The following GNG7 variants were observed in gnomAD, a reference collection of about 807,000 sequenced individuals.
GNG7 encodes the protein G protein subunit gamma 7.
A neutral mutation model predicts 4.0 loss-of-function variants in GNG7; 1 was observed. The observed-to-expected ratio is 0.25, with a 90% CI of 0.09 to 1.18. The LOEUF (loss-of-function observed/expected upper bound fraction) is 1.18. GNG7 is among the 50% of genes most tolerant of loss of function. The pLI, the probability that GNG7 is intolerant of heterozygous loss-of-function variation, is 0.50. For missense variants in GNG7, 86 were observed against 91.9 expected (o/e 0.94, Z 0.26); for synonymous variants, 34 against 36.9 (o/e 0.92, Z 0.29).
intron 2 of GNG7, among the ~76,000 whole-genome samples, chr19:2,588,452 A>C (rs1980741160): frequency 2.0e-5 from 3 of 152,220 alleles, no homozygotes; most frequent in African/African-American, 7.2e-5. Flanking sequence ...TTTCTTTTAA[A>C]AGTCAACAGC....
At chr19:2,621,696 AAAACAAAC>A (rs78958083) in intron 2 of GNG7, among the ~76,000 whole-genome samples, 17 of 151,570 alleles carry the variant, frequency 1.1e-4, no homozygotes, top group Non-Finnish European at 1.6e-4. Context: ...GACCTCATCT[AAAACAAAC>A]AAACAAACAA....
intron 2 of GNG7, among the ~76,000 whole-genome samples, chr19:2,596,223 G>A (rs1320844648): frequency 6.6e-6 from 1 of 152,160 alleles, no homozygotes; most frequent in African/African-American, 2.4e-5. Context: ...GCCGGGTGCG[G>A]TGGTGCATGC....
chr19:2,622,565 C>CCAACGCGAG lies in GNG7; in HGVS notation c.-78+23650_-78+23658dup, dbSNP rs574714245. 3.1e-3 allele frequency among the ~76,000 whole-genome samples: 449 copies of CCAACGCGAG among 146,286 alleles called. 12 individuals are homozygous for CCAACGCGAG. The highest frequency in any genetic ancestry group is 0.011 in the African/African-American group (416 of 38,468). On this transcript the variant is annotated intron_variant, in intron 2 of 4. Coordinates refer to ENST00000382159, the MANE Select transcript of GNG7 (RefSeq NM_052847.3). ...AGAGGGGGCTTCCGGGAAGGGGAAC[C>CCAACGCGAG]CAACGCGAGCAACGCGGCAGAGAGG...
Position 2,661,302 on chromosome 19 carries a change from G to GAAAGAAAGAAAGAAAGAAAGAAAAAGAA in GNG7, c.-134-15023_-134-15022insTTCTTTTTCTTTCTTTCTTTCTTTCTTT. ...AGAAAGAAAGAAAGAAAGAAAGAAA[G>GAAAGAAAGAAAGAAAGAAAGAAAAAGAA]AGAAAGAAAGAAAGAAAGAAAGAAA... On this transcript the variant is annotated intron_variant, in intron 1 of 4. Transcript: ENST00000382159. Among the ~76,000 whole-genome samples the GAAAGAAAGAAAGAAAGAAAGAAAAAGAA allele has an allele frequency of 1.8e-3, 128 of 73,122 alleles. 3 individuals carry two copies. Among genetic ancestry groups the GAAAGAAAGAAAGAAAGAAAGAAAAAGAA allele is most frequent in the African/African-American group, 2.5e-3 (46 of 18,500 alleles). 48.0% of individuals were successfully genotyped at this position (73,122 alleles called of 152,430 possible).
chr19:2,602,950 T>C (rs190745358), intron 2 of GNG7, among the ~76,000 whole-genome samples: 4 of 150,278 alleles, frequency 2.7e-5, no homozygotes, highest in East Asian at 3.9e-4. Flanking sequence ...TTCCTTTCTT[T>C]CTTTTCTTTC....
intron 2 of GNG7, among the ~76,000 whole-genome samples, chr19:2,619,454 G>GC (rs1166548875): frequency 2.0e-5 from 3 of 152,208 alleles, no homozygotes; most frequent in African/African-American, 7.2e-5. Context: ...TAAGTTCATA[G>GC]CAAGTATTTG....
rs1437167969 is a variant in GNG7 at position 2,617,661 on chromosome 19, C to A, written c.-78+28563G>T. On this transcript the variant is annotated intron_variant, in intron 2 of 4. Transcript: ENST00000382159. This position sits in a 1 kb window ranked among gnomAD's most constrained non-coding sequence, Gnocchi z 4.7. ...CCCTCCTTAGAGACCTTCCTGGACA[C>A]CACGTGGCACAGACTCTCTCCTCTT... Among the ~76,000 whole-genome samples, 2 of 152,148 alleles carry A rather than the reference C, an allele frequency of 1.3e-5. No homozygotes were observed. Among genetic ancestry groups the A allele is most frequent in the East Asian group, 3.9e-4 (2 of 5,194 alleles).
At chr19:2,675,495 A>T (rs530506606) in intron 1 of GNG7, among the ~76,000 whole-genome samples, 45 of 152,318 alleles carry the variant, frequency 3.0e-4, no homozygotes, top group African/African-American at 8.2e-4. Flanking sequence ...AGCGTTATTT[A>T]GCAAACCAGG....
chr19:2,642,436 G>A (rs1982532990), intron 2 of GNG7: 1 of 320,472 alleles, frequency 3.1e-6, no homozygotes, highest in Non-Finnish European at 6.1e-6. Flanking sequence ...TGCAATCATA[G>A]CCCACTGCAG....
intron 1 of GNG7, among the ~76,000 whole-genome samples, chr19:2,669,870 C>A (rs565808960): frequency 6.6e-6 from 1 of 151,768 alleles, no homozygotes; most frequent in African/African-American, 2.4e-5. Context: ...ATTAGCCAGG[C>A]GTGGTGGCGG....
At chr19:2,615,998 T>C (rs73526900) in intron 2 of GNG7, among the ~76,000 whole-genome samples, 8,163 of 152,276 alleles carry the variant, frequency 0.054, 340 homozygotes, top group African/African-American at 0.12. Flanking sequence ...AACAGACTCC[T>C]GTATGGGCCT....
At chr19:2,525,488 ACC>A (rs35965236) in intron 3 of GNG7, among the ~76,000 whole-genome samples, 1 of 151,804 alleles carries the variant, frequency 6.6e-6, no homozygotes, top group Non-Finnish European at 1.5e-5. Flanking sequence ...GGATGAGGGT[ACC>A]CCCCCACTCC....
Position 2,651,475 on chromosome 19 carries a change from TTCTC to T in GNG7, c.-134-5199_-134-5196del, listed in dbSNP as rs979842799. On this transcript the variant is annotated intron_variant, in intron 1 of 4. Coordinates refer to ENST00000382159, the MANE Select transcript of GNG7 (RefSeq NM_052847.3). Reference sequence around the variant, plus strand: ...TTCCTCCCTCTCTTTCTCTTTTTCTTTCTCTCTCTTACTCTCTTTCTGTCTTCCT... The same window carrying T: ...TTCCTCCCTCTCTTTCTCTTTTTCTTTCTCTTACTCTCTTTCTGTCTTCCT... 6.9e-5 allele frequency among the ~76,000 whole-genome samples: 10 copies of T among 145,948 alleles called. 1 individual carries two copies. The highest frequency in any genetic ancestry group is 3.5e-4 in the Admixed American group (5 of 14,400).
intron 2 of GNG7, among the ~76,000 whole-genome samples, chr19:2,621,597 T>C (rs1340041096): frequency 6.6e-6 from 1 of 151,804 alleles, no homozygotes; most frequent in Non-Finnish European, 1.5e-5. Context: ...CTCGGGAGGC[T>C]GAGGCAGGAG....
rs796899840 is a variant in GNG7, at chr19:2,633,487, G to GCACACACACACA, written c.-78+12725_-78+12736dup. Among the ~76,000 whole-genome samples the GCACACACACACA allele has an allele frequency of 4.4e-4, 46 of 103,802 alleles. No homozygotes were observed. Among genetic ancestry groups the GCACACACACACA allele is most frequent in the East Asian group, 1.9e-3 (7 of 3,780 alleles). 68.1% of individuals were successfully genotyped at this position (103,802 alleles called of 152,430 possible). ...TAGCAACAGGCGCGCGCGCGCGCGC[G>GCACACACACACA]CACACACACACACACACACACACAC... is the stretch of plus-strand genomic sequence containing the variant. On this transcript the variant is annotated intron_variant, in intron 2 of 4. Coordinates refer to ENST00000382159, the MANE Select transcript of GNG7 (RefSeq NM_052847.3). This position sits in a 1 kb window ranked among gnomAD's most constrained non-coding sequence, Gnocchi z 5.9.
chr19:2,669,373 C>T lies in GNG7; in HGVS notation c.-134-23093G>A, dbSNP rs531590830. Among the ~76,000 whole-genome samples, 3 of 152,160 alleles carry T rather than the reference C, an allele frequency of 2.0e-5. 1 individual carries two copies. Among genetic ancestry groups the T allele is most frequent in the African/African-American group, 7.2e-5 (3 of 41,504 alleles). On this transcript the variant is annotated intron_variant, in intron 1 of 4. Coordinates refer to ENST00000382159, the MANE Select transcript of GNG7 (RefSeq NM_052847.3). ...GGCGTGGTGGTGCATGCCTGTAATCCCAGCTACTTGGGAGACTGAGGCAAG... is the reference window on the plus strand; with the variant it reads ...GGCGTGGTGGTGCATGCCTGTAATCTCAGCTACTTGGGAGACTGAGGCAAG...
chr19:2,518,230 G>A (rs1456650577), intron 4 of GNG7, among the ~76,000 whole-genome samples: 8 of 116,134 alleles, frequency 6.9e-5, no homozygotes, highest in Non-Finnish European at 1.5e-4. Context: ...GTGGGGACGG[G>A]TCAAATCCTG....
At position 2,557,455 on chromosome 19, in the gene GNG7, C is replaced by G. The variant is rs1456772552; in HGVS notation, c.-77-2267G>C. Among the ~76,000 whole-genome samples, 1 of 152,250 alleles carries G rather than the reference C, an allele frequency of 6.6e-6. No homozygotes were observed. Among genetic ancestry groups the G allele is most frequent in the African/African-American group, 2.4e-5 (1 of 41,464 alleles). On this transcript the variant is annotated intron_variant, in intron 2 of 4. Coordinates refer to ENST00000382159, the MANE Select transcript of GNG7 (RefSeq NM_052847.3). The surrounding 1 kb of genome is among the most constrained non-coding windows in gnomAD (Gnocchi z 5.1). ...TCCTGCTAGTAAACATGCACAGACT[C>G]AAGAAACGAGGGGCTGCAGGACTTT... is the stretch of plus-strand genomic sequence containing the variant.
At chr19:2,572,465 C>T (rs910607008) in intron 2 of GNG7, among the ~76,000 whole-genome samples, 4 of 151,154 alleles carry the variant, frequency 2.6e-5, no homozygotes, top group Non-Finnish European at 5.9e-5. Context: ...CGGAGTCTCG[C>T]TCTGTCGCCA....
Sources: allele counts gnomAD v4.1 joint callset (sites outside exome capture counted in the v4.1 genomes callset), GRCh38; gene constraint gnomAD v4.1.1; non-coding constraint Gnocchi (gnomAD v3.1); transcripts MANE v1.5; gene names NCBI Gene and HGNC (gene_info 2026-07-23, HGNC 2026-07-21).